WHR1: variants seen among roughly 807,000 people sequenced by gnomAD.
WHR1 encodes winged helix repair factor 1, also known as MHC class III HLA-RP1.
chr6:31,977,829 T>C, the WHR1 span, among the ~76,000 whole-genome samples: 1 of 151,976 alleles, frequency 6.6e-6, no homozygotes, highest in Non-Finnish European at 1.5e-5. Context: ...AGTCTCACTC[T>C]GTCACCCAGG....
the WHR1 span, chr6:31,971,451 AG>A: frequency 3.1e-6 from 5 of 1,613,384 alleles, no homozygotes; most frequent in African/African-American, 6.7e-5. The surrounding 1 kb of genome is among the most constrained non-coding windows in gnomAD (Gnocchi z 4.5). Context: ...CTGGACCGTT[AG>A]TGGGGGGTGG....
At chr6:31,973,769 G>A in the WHR1 span, among the ~76,000 whole-genome samples, 1 of 152,162 alleles carries the variant, frequency 6.6e-6, no homozygotes, top group Non-Finnish European at 1.5e-5. Flanking sequence ...TTATGCCTGT[G>A]TCAAAATTAC....
At chr6:31,975,930 C>T in the WHR1 span, among the ~76,000 whole-genome samples, 2 of 148,694 alleles carry the variant, frequency 1.3e-5, no homozygotes, top group East Asian at 2.0e-4. Flanking sequence ...ACCTCCCTCC[C>T]GGACGGGGCG....
At chr6:31,979,003 G>A in the WHR1 span, 2 of 1,612,102 alleles carry the variant, frequency 1.2e-6, no homozygotes, top group African/African-American at 1.3e-5. Flanking sequence ...ACCAGAGTAT[G>A]TGACTGTGTG....
chr6:31,971,775 G>A, the WHR1 span: 1 of 1,384,598 alleles, frequency 7.2e-7, no homozygotes, highest in Non-Finnish European at 9.6e-7. This position sits in a 1 kb window ranked among gnomAD's most constrained non-coding sequence, Gnocchi z 4.5. Context: ...TGATCGCCAG[G>A]CTCTGGCCTT....
At chr6:31,974,432 T>A in the WHR1 span, among the ~76,000 whole-genome samples, 6 of 152,070 alleles carry the variant, frequency 3.9e-5, no homozygotes, top group African/African-American at 1.4e-4. Context: ...TAAACTGAAA[T>A]CTAGGCTGAG....
the WHR1 span, among the ~76,000 whole-genome samples, chr6:31,975,903 G>C: frequency 3.5e-5 from 5 of 142,200 alleles, no homozygotes; most frequent in African/African-American, 7.8e-5. Flanking sequence ...CTGGCCGGGC[G>C]GGGGGCTGAC....
chr6:31,978,320 G>A, the WHR1 span, among the ~76,000 whole-genome samples: 6 of 151,436 alleles, frequency 4.0e-5, no homozygotes, highest in African/African-American at 4.9e-5. Context: ...GAGATGTGGC[G>A]GGTGGGGGGG....
At chr6:31,976,930 G>T in the WHR1 span, among the ~76,000 whole-genome samples, 1 of 152,228 alleles carries the variant, frequency 6.6e-6, no homozygotes, top group African/African-American at 2.4e-5. Flanking sequence ...TGCAATCGCA[G>T]GCACTCGGCA....
At chr6:31,978,960 G>A in the WHR1 span, 3 of 1,612,496 alleles carry the variant, frequency 1.9e-6, no homozygotes, top group African/African-American at 2.7e-5. Context: ...CGACTTGGAT[G>A]CCCATGGAAT....
chr6:31,976,618 C>T, the WHR1 span, among the ~76,000 whole-genome samples: 9 of 152,114 alleles, frequency 5.9e-5, no homozygotes, highest in East Asian at 9.6e-4. Context: ...CAGGCAGAGA[C>T]GCCCCTCACT....
chr6:31,975,036 T>C, the WHR1 span, among the ~76,000 whole-genome samples: 2 of 152,274 alleles, frequency 1.3e-5, no homozygotes, highest in Admixed American at 1.3e-4. Flanking sequence ...TATAAACATA[T>C]ATAATTTAAA....
At chr6:31,972,243 A>G in the WHR1 span, 1 of 1,613,058 alleles carries the variant, frequency 6.2e-7, no homozygotes, top group Non-Finnish European at 8.5e-7. The surrounding 1 kb of genome is among the most constrained non-coding windows in gnomAD (Gnocchi z 6.3). Context: ...CGCCCCTCCC[A>G]GCACTGACGG....
chr6:31,976,671 A>T, the WHR1 span, among the ~76,000 whole-genome samples: 2 of 152,196 alleles, frequency 1.3e-5, no homozygotes, highest in African/African-American at 4.8e-5. Context: ...CACTCTGGGC[A>T]CTTTGGGAGG....
chr6:31,979,930 C>A, the WHR1 span: 3 of 205,946 alleles, frequency 1.5e-5, no homozygotes, highest in African/African-American at 6.9e-5. Flanking sequence ...TAAAAAACAA[C>A]TGGGCAGGAG....
At chr6:31,974,632 C>T in the WHR1 span, among the ~76,000 whole-genome samples, 1 of 152,170 alleles carries the variant, frequency 6.6e-6, no homozygotes, top group Admixed American at 6.5e-5. Flanking sequence ...GTGGTGTGCA[C>T]CTATTGTTCT....
chr6:31,972,200 T>G, the WHR1 span: 1 of 1,612,088 alleles, frequency 6.2e-7, no homozygotes, highest in Non-Finnish European at 8.5e-7. This position sits in a 1 kb window ranked among gnomAD's most constrained non-coding sequence, Gnocchi z 6.3. Context: ...GGGCCCGGCC[T>G]GGCGGAGGTG....
the WHR1 span, among the ~76,000 whole-genome samples, chr6:31,976,030 G>A: frequency 1.7e-3 from 247 of 144,432 alleles, 1 homozygote; most frequent in Admixed American, 4.2e-3. Flanking sequence ...CTGGCCGGGC[G>A]GGGGGGGCTG....
the WHR1 span, chr6:31,971,515 AG>A: frequency 3.1e-6 from 5 of 1,614,178 alleles, no homozygotes; most frequent in Non-Finnish European, 4.2e-6. This position sits in a 1 kb window ranked among gnomAD's most constrained non-coding sequence, Gnocchi z 4.5. Context: ...TTGAGCATCC[AG>A]GGAGAAGCAG....
Sources: allele counts gnomAD v4.1 joint callset (sites outside exome capture counted in the v4.1 genomes callset), GRCh38; gene constraint gnomAD v4.1.1; non-coding constraint Gnocchi (gnomAD v3.1); transcripts MANE v1.5; gene names NCBI Gene and HGNC (gene_info 2026-07-23, HGNC 2026-07-21).